The following WDR47 variants were observed in gnomAD, a reference collection of about 807,000 sequenced individuals.
WDR47 encodes WD repeat domain 47.
Under a neutral mutation model 97.2 loss-of-function variants are expected in WDR47, and 32 were observed. The ratio of observed to expected loss-of-function variants is 0.33; its 90% CI spans 0.25 to 0.44. WDR47 has a LOEUF of 0.44. Among genes scored for constraint, WDR47 ranks in the 20% least tolerant of loss-of-function variants. The pLI is 1.00. For missense variants in WDR47, 782 were observed against 1,102.3 expected (o/e 0.71, Z 4.11); for synonymous variants, 375 against 373.5 (o/e 1.00, Z -0.05).
chr1:109,038,662 A>G (rs890949370), intron 1 of WDR47, among the ~76,000 whole-genome samples: 42 of 150,172 alleles, frequency 2.8e-4, no homozygotes, highest in Admixed American at 8.7e-4. Context: ...CTGAACGATA[A>G]AGTGAGACCC....
At chr1:108,991,455 C>G (rs1659343537) in intron 8 of WDR47, 126 bp from the exon 9 acceptor site, 2 of 677,960 alleles carry the variant, frequency 3.0e-6, no homozygotes, top group East Asian at 5.5e-5. Context: ...AAGTTACTCT[C>G]TGGAGACATT....
At chr1:109,035,892 C>G (rs1463399952) in intron 1 of WDR47, among the ~76,000 whole-genome samples, 2 of 151,546 alleles carry the variant, frequency 1.3e-5, no homozygotes, top group Non-Finnish European at 2.9e-5. Context: ...CGGGCCTGTT[C>G]ATAGCACACT....
At chr1:109,033,824 CAGG>C (rs1662759337) in intron 1 of WDR47, among the ~76,000 whole-genome samples, 1 of 152,192 alleles carries the variant, frequency 6.6e-6, no homozygotes, top group Non-Finnish European at 1.5e-5. Flanking sequence ...GAGGCTGAGG[CAGG>C]AGAATTGCTT....
At chr1:109,033,702 C>T (rs756999412) in intron 1 of WDR47, among the ~76,000 whole-genome samples, 1 of 152,214 alleles carries the variant, frequency 6.6e-6, no homozygotes, top group African/African-American at 2.4e-5. Context: ...GGGCAGATCA[C>T]AAGGTCAGGA....
intron 6 of WDR47, 22 bp from the exon 7 acceptor site, chr1:109,002,424 CAT>C (rs748795031): frequency 6.5e-7 from 1 of 1,543,972 alleles, no homozygotes; most frequent in African/African-American, 1.4e-5. Context: ...TAGAAAAAAA[CAT>C]ATATATTTGA....
intron 9 of WDR47, 105 bp downstream of exon 9, chr1:108,991,149 A>G: frequency 9.3e-7 from 1 of 1,069,672 alleles, no homozygotes; most frequent in Non-Finnish European, 1.4e-6. Context: ...GGTACTGTAC[A>G]CCACCACGTC....
intron 8 of WDR47, among the ~76,000 whole-genome samples, chr1:108,993,126 G>A (rs532838429): frequency 3.3e-5 from 5 of 151,970 alleles, no homozygotes; most frequent in African/African-American, 7.3e-5. Flanking sequence ...AACCAGCCTC[G>A]CCAACATGGT....
Position 109,013,919 on chromosome 1 carries a change from A to C in WDR47, c.249T>G (p.Arg83=), listed in dbSNP as rs766184358. 6.2e-7 allele frequency: 1 copy of C among 1,608,500 alleles called. No individual in the cohort carries two copies. Among genetic ancestry groups the C allele is most frequent in the Admixed American group, 1.7e-5 (1 of 58,848 alleles). Residue 83 remains arginine (R), a synonymous_variant, in exon 4 of 15, where the codon CGT becomes CGG. Transcript: ENST00000369962. ...AAAACTTCTGCTTCAGGATAATATA[A>C]CGAAACCTGTGGGAAAAAAATGAAG... The part of the protein sequence containing the change: ...CMEKFDKKRF[R]YIILKQKFLE...
In WDR47 at chr1:109,011,326, C is replaced by T. The variant is rs145639482; in HGVS notation, c.720G>A (p.Leu240=). The change falls in exon 5 of 15, where the codon TTG becomes TTA. Residue 240 remains leucine (L), a synonymous_variant. Coordinates refer to ENST00000369962, the MANE Select transcript of WDR47 (RefSeq NM_001142551.2). ...DLLCGNGCDD[L]DLSLLSWLQN... ...GAAGCCATGACAGTAAACTCAGATC[C>T]AAATCATCACAACCATTACCACATA... The T allele has an allele frequency of 4.3e-6, 7 of 1,614,140 alleles. No homozygotes were observed. The African/African-American group carries it at 9.3e-5, about 22-fold the overall frequency.
chr1:108,987,929 A>T (rs1349016793), intron 9 of WDR47, among the ~76,000 whole-genome samples: 1 of 152,046 alleles, frequency 6.6e-6, no homozygotes, highest in East Asian at 1.9e-4. Context: ...TTCAATTATT[A>T]AGACAAAATG....
intron 8 of WDR47, among the ~76,000 whole-genome samples, 170 bp from the exon 9 acceptor site, chr1:108,991,499 T>C (rs1659347004): frequency 6.6e-6 from 1 of 152,176 alleles, no homozygotes; most frequent in South Asian, 2.1e-4. Flanking sequence ...GTGGCACCAA[T>C]GACAGTTGTA....
chr1:108,986,422 T>G lies in WDR47; in HGVS notation c.1925+101A>C, dbSNP rs950434338. 4.8e-6 allele frequency: 5 copies of G among 1,052,362 alleles called. No individual in the cohort carries two copies. The African/African-American group carries it at 4.8e-5, about 10-fold the overall frequency. The allele number at this position is 1,052,362 out of a possible 1,614,324, so 65.2% of individuals were successfully genotyped here. On this transcript the variant is annotated intron_variant, in intron 10 of 14. Coordinates refer to ENST00000369962, the MANE Select transcript of WDR47 (RefSeq NM_001142551.2). Reference sequence around the variant, plus strand: ...TAAAGTTTAATCGAAGGAAAGAAAGTAAGATTTGAAACACTACTGAATGGC... The same window carrying G: ...TAAAGTTTAATCGAAGGAAAGAAAGGAAGATTTGAAACACTACTGAATGGC...
chr1:109,001,579 G>A (rs562886905), intron 7 of WDR47, among the ~76,000 whole-genome samples: 87 of 152,250 alleles, frequency 5.7e-4, no homozygotes, highest in Non-Finnish European at 1.1e-3. Context: ...AACCTTGTAA[G>A]AAGGTTAGAA....
chr1:109,010,686 C>T (rs538236328), intron 5 of WDR47, among the ~76,000 whole-genome samples: 1 of 151,130 alleles, frequency 6.6e-6, no homozygotes, highest in African/African-American at 2.4e-5. Context: ...GGGTTCACGC[C>T]ATTCTCCTGC....
chr1:108,995,539 G>T (rs757116196), intron 8 of WDR47, 41 bp downstream of exon 8: 1 of 1,605,544 alleles, frequency 6.2e-7, no homozygotes, highest in Non-Finnish European at 8.5e-7. Flanking sequence ...ACCATTAGTA[G>T]TAAGTTAATA....
intron 10 of WDR47, among the ~76,000 whole-genome samples, chr1:108,985,306 C>T (rs929020768): frequency 9.2e-5 from 14 of 152,182 alleles, no homozygotes; most frequent in Non-Finnish European, 1.6e-4. Context: ...TAAAAAAAGC[C>T]AAGCTCTTTC....
intron 1 of WDR47, among the ~76,000 whole-genome samples, chr1:109,040,341 T>C (rs1450133792): frequency 6.6e-6 from 1 of 152,140 alleles, no homozygotes; most frequent in African/African-American, 2.4e-5. Flanking sequence ...AAATAACTAA[T>C]ATATTCTATT....
chr1:109,028,685 T>C (rs1662400048), intron 1 of WDR47, among the ~76,000 whole-genome samples: 1 of 147,898 alleles, frequency 6.8e-6, no homozygotes, highest in East Asian at 2.0e-4. Flanking sequence ...TCTCCTGATC[T>C]CGTCATCCGC....
chr1:109,018,251 C>T (rs1401608609), intron 2 of WDR47, among the ~76,000 whole-genome samples: 1 of 151,554 alleles, frequency 6.6e-6, no homozygotes, highest in Non-Finnish European at 1.5e-5. Flanking sequence ...GAGTTTGAGA[C>T]CACCCTGCCC....
Sources: gnomAD v4.1 joint callset for allele counts (sites outside exome capture counted in the v4.1 genomes callset) on GRCh38, gnomAD v4.1.1 for gene constraint, MANE v1.5 for transcripts, NCBI Gene and HGNC (gene_info 2026-07-23, HGNC 2026-07-21) for gene names.